Variants in RNF141 observed in about 807,000 individuals in gnomAD.
RNF141 encodes the protein C3HC4-like zinc finger protein.
RNF141 carries 18 observed loss-of-function variants against 27.4 expected under a neutral mutation model. The ratio of observed to expected loss-of-function variants is 0.66; its 90% CI spans 0.45 to 0.97. RNF141 has a LOEUF of 0.97. RNF141 is among the 50% of genes least tolerant of loss of function. RNF141 has a pLI of 0.00. For missense variants in RNF141, 230 were observed against 279.4 expected, an observed-to-expected ratio of 0.82 and a Z score of 1.26; for synonymous variants, 97 against 96.6, an observed-to-expected ratio of 1.00 and a Z score of -0.02.
At chr11:10,535,996 G>A (rs1368960405) in intron 1 of RNF141, among the ~76,000 whole-genome samples, 4 of 152,146 alleles carry the variant, frequency 2.6e-5, no homozygotes, top group Non-Finnish European at 4.4e-5. Flanking sequence ...ATAAAACAGT[G>A]AACAAAAGAA....
At chr11:10,525,671 T>C (rs1031298489) in intron 3 of RNF141, among the ~76,000 whole-genome samples, 2 of 152,152 alleles carry the variant, frequency 1.3e-5, no homozygotes, top group Admixed American at 6.5e-5. Flanking sequence ...AGAAATAAAT[T>C]TTAGAGATCA....
intron 1 of RNF141, among the ~76,000 whole-genome samples, chr11:10,535,870 G>A (rs1480645373): frequency 6.6e-6 from 1 of 152,194 alleles, no homozygotes; most frequent in Non-Finnish European, 1.5e-5. Context: ...CCAAACTTAT[G>A]AAAACATCAT....
chr11:10,536,269 G>C (rs978724041), intron 1 of RNF141, among the ~76,000 whole-genome samples: 1 of 152,014 alleles, frequency 6.6e-6, no homozygotes, highest in African/African-American at 2.4e-5. Context: ...CCAGGCAGAG[G>C]TTATGAAAAG....
Position 10,514,718 on chromosome 11 carries a change from A to T in RNF141, c.*198T>A. 4.0e-6 allele frequency: 2 copies of T among 494,908 alleles called. No individual in the cohort carries two copies. Among genetic ancestry groups the T allele is most frequent in the Non-Finnish European group, 6.9e-6 (2 of 288,068 alleles). 30.7% of individuals were successfully genotyped at this position (494,908 alleles called of 1,614,324 possible). ...ATAATAGGAAAATATGGTCTAAAAC[A>T]GTAGCAAATTTTAGTACCACAAATG... On this transcript the variant is annotated 3_prime_UTR_variant, in exon 6 of 6. Coordinates refer to ENST00000265981, the MANE Select transcript of RNF141 (RefSeq NM_016422.4).
At chr11:10,527,063 G>A (rs1374592172) in intron 3 of RNF141, among the ~76,000 whole-genome samples, 1 of 152,182 alleles carries the variant, frequency 6.6e-6, no homozygotes, top group African/African-American at 2.4e-5. Context: ...ATCCATATAA[G>A]GTCAGTACAG....
At chr11:10,534,597 A>T (rs964965724) in intron 1 of RNF141, among the ~76,000 whole-genome samples, 1 of 152,084 alleles carries the variant, frequency 6.6e-6, no homozygotes, top group African/African-American at 2.4e-5. Context: ...TCAGGCTCCA[A>T]ACTGTTTTCC....
rs1306274342 is a variant in RNF141 at position 10,525,230 on chromosome 11, G to C, written c.396C>G (p.Ser132=). The change falls in exon 4 of 6, where the codon TCC becomes TCG. Residue 132 remains serine (S), a synonymous_variant. Transcript: ENST00000265981. ...STSEEPDENS[S]SVTSCQASLW... is the part of the protein sequence containing the mutation. Reference sequence around the variant, plus strand: ...GACTAGCCTGACAAGATGTTACAGAGGATGAGTTTTCATCAGGTTCTTCAG... The same window carrying C: ...GACTAGCCTGACAAGATGTTACAGACGATGAGTTTTCATCAGGTTCTTCAG... 1.2e-5 allele frequency: 19 copies of C among 1,611,898 alleles called. No homozygotes were observed. Among genetic ancestry groups the C allele is most frequent in the Non-Finnish European group, 1.6e-5 (19 of 1,179,050 alleles).
At chr11:10,539,028 A>T (rs1850061822) in intron 1 of RNF141, among the ~76,000 whole-genome samples, 1 of 152,212 alleles carries the variant, frequency 6.6e-6, no homozygotes, top group Admixed American at 6.5e-5. Flanking sequence ...GCAAGATAAA[A>T]ATATGCTTTC....
At chr11:10,536,076 T>A (rs536201811) in intron 1 of RNF141, among the ~76,000 whole-genome samples, 10 of 152,268 alleles carry the variant, frequency 6.6e-5, no homozygotes, top group African/African-American at 2.4e-4. Context: ...AATAAATGTA[T>A]AATTACAAAA....
intron 4 of RNF141, among the ~76,000 whole-genome samples, chr11:10,524,405 A>G (rs539999821): frequency 1.3e-4 from 18 of 140,376 alleles, no homozygotes; most frequent in African/African-American, 4.6e-4. Flanking sequence ...CGCCTCAATT[A>G]AAAAAAAAAA....
intron 1 of RNF141, among the ~76,000 whole-genome samples, chr11:10,537,035 TA>T (rs2133977170): frequency 6.6e-6 from 1 of 152,298 alleles, no homozygotes. Flanking sequence ...TGAAGCAATA[TA>T]AGTTTGTTTA....
intron 3 of RNF141, among the ~76,000 whole-genome samples, chr11:10,528,113 G>C (rs75984521): frequency 6.6e-6 from 1 of 151,898 alleles, no homozygotes; most frequent in Non-Finnish European, 1.5e-5. Context: ...ATTTTTTATA[G>C]TGGATTAAAT....
intron 1 of RNF141, among the ~76,000 whole-genome samples, chr11:10,535,354 A>AT (rs199626076): frequency 2.6e-5 from 2 of 77,160 alleles, no homozygotes; most frequent in Non-Finnish European, 4.9e-5. Context: ...GACAATTGTA[A>AT]TTTAAAAAAA....
Position 10,512,727 on chromosome 11 carries a change from T to C in RNF141, c.*2189A>G, listed in dbSNP as rs1030926120. The C allele has an allele frequency of 2.0e-5, 3 of 151,688 alleles. No individual in the cohort carries two copies. The highest frequency in any genetic ancestry group is 7.3e-5 in the African/African-American group (3 of 41,350). 9.4% of individuals were successfully genotyped at this position (151,688 alleles called of 1,614,324 possible). On this transcript the variant is annotated 3_prime_UTR_variant, in exon 6 of 6. Coordinates refer to ENST00000265981, the MANE Select transcript of RNF141 (RefSeq NM_016422.4). ...GAATACTAAGAATCTATGGAGGAGATACAGGGTTCTGCAAATTTGACTTGA... is the reference window on the plus strand; with the variant it reads ...GAATACTAAGAATCTATGGAGGAGACACAGGGTTCTGCAAATTTGACTTGA...
chr11:10,515,278 C>G (rs1591495459), intron 5 of RNF141: 9 of 571,010 alleles, frequency 1.6e-5, no homozygotes, highest in Middle Eastern at 4.7e-4. Flanking sequence ...CAGAGATAGA[C>G]TAAGCTGGAT....
At chr11:10,519,369 G>T (rs538462218) in intron 4 of RNF141, among the ~76,000 whole-genome samples, 1 of 152,042 alleles carries the variant, frequency 6.6e-6, no homozygotes, top group Non-Finnish European at 1.5e-5. Context: ...CTAGATAAAA[G>T]ATACATTTTG....
intron 5 of RNF141, chr11:10,518,620 C>A: frequency 6.4e-6 from 1 of 156,344 alleles, no homozygotes; most frequent in East Asian, 1.9e-4. Context: ...TTATCCTAAA[C>A]GCTCAAGTCT....
chr11:10,534,972 G>A (rs1262080447), intron 1 of RNF141, among the ~76,000 whole-genome samples: 2 of 151,846 alleles, frequency 1.3e-5, no homozygotes, highest in African/African-American at 4.8e-5. Flanking sequence ...CCTGGAAAAA[G>A]ATAGCTCTTT....
intron 4 of RNF141, 100 bp downstream of exon 4, chr11:10,525,091 AG>A: frequency 1.1e-6 from 1 of 891,934 alleles, no homozygotes; most frequent in Non-Finnish European, 1.6e-6. Flanking sequence ...GAAAAAAAAA[AG>A]ATTTAAGATG....
Sources: allele counts gnomAD v4.1 joint callset (sites outside exome capture counted in the v4.1 genomes callset), GRCh38; gene constraint gnomAD v4.1.1; transcripts MANE v1.5; gene names NCBI Gene and HGNC (gene_info 2026-07-23, HGNC 2026-07-21).